Variants in GRB2 observed in about 807,000 individuals in gnomAD.
The protein encoded by GRB2 is growth factor receptor-bound protein 2.
GRB2 carries 2 observed loss-of-function variants against 27.4 expected under a neutral mutation model. The ratio of observed to expected loss-of-function variants is 0.07; its 90% CI spans 0.03 to 0.23. The LOEUF (loss-of-function observed/expected upper bound fraction) is 0.23, where lower values mean the gene tolerates loss of function less well. GRB2 is among the 10% of genes least tolerant of loss of function. GRB2 has a pLI of 1.00. For missense variants in GRB2, 102 were observed against 282.4 expected, an observed-to-expected ratio of 0.36 and a Z score of 4.58; for synonymous variants, 94 against 99.6, an observed-to-expected ratio of 0.94 and a Z score of 0.33.
At chr17:75,368,615 A>G (rs1187355708) in intron 2 of GRB2, among the ~76,000 whole-genome samples, 2 of 151,282 alleles carry the variant, frequency 1.3e-5, no homozygotes, top group Non-Finnish European at 2.9e-5. Flanking sequence ...AGCTCACTGC[A>G]GTCTCAACCT....
intron 2 of GRB2, among the ~76,000 whole-genome samples, chr17:75,391,293 C>T (rs2078996695): frequency 6.6e-6 from 1 of 152,224 alleles, no homozygotes; most frequent in South Asian, 2.1e-4. Flanking sequence ...CAAAGAAAAT[C>T]TAAAAGTGAA....
chr17:75,368,659 C>T (rs565953087), intron 2 of GRB2, among the ~76,000 whole-genome samples: 1 of 152,120 alleles, frequency 6.6e-6, no homozygotes, highest in East Asian at 1.9e-4. Context: ...ATCCTCCCAC[C>T]TAAGCCTCCT....
At chr17:75,392,454 G>C (rs1056414574) in intron 2 of GRB2, among the ~76,000 whole-genome samples, 2 of 152,194 alleles carry the variant, frequency 1.3e-5, no homozygotes, top group African/African-American at 4.8e-5. Flanking sequence ...CTTGGGCAAT[G>C]AGGGCAAAAT....
At chr17:75,374,233 G>A (rs1443073093) in intron 2 of GRB2, among the ~76,000 whole-genome samples, 3 of 151,180 alleles carry the variant, frequency 2.0e-5, no homozygotes, top group South Asian at 2.1e-4. Context: ...TGGTTAAACC[G>A]TCTCTACTAA....
At chr17:75,324,507 G>GTTTTTTGTTTTTTT (rs2078483467) in intron 4 of GRB2, among the ~76,000 whole-genome samples, 1 of 36,704 alleles carries the variant, frequency 2.7e-5, no homozygotes, top group Non-Finnish European at 5.7e-5. Context: ...ACCGCACCCA[G>GTTTTTTGTTTTTTT]TTTTTTTTTT....
intron 4 of GRB2, among the ~76,000 whole-genome samples, chr17:75,323,376 C>T (rs1236683515): frequency 2.6e-5 from 4 of 152,158 alleles, no homozygotes; most frequent in Admixed American, 6.5e-5. Context: ...TTCCACGGCA[C>T]TTCTGGCCCC....
intron 2 of GRB2, among the ~76,000 whole-genome samples, chr17:75,366,500 CA>C (rs34051020): frequency 3.4e-4 from 38 of 111,900 alleles, no homozygotes; most frequent in South Asian, 8.8e-4. Context: ...GATCAGCTTC[CA>C]AAAAAAAAAA....
intron 2 of GRB2, among the ~76,000 whole-genome samples, chr17:75,389,440 C>G (rs934262161): frequency 2.6e-5 from 4 of 152,212 alleles, no homozygotes; most frequent in African/African-American, 9.6e-5. Context: ...TACTAAGAAT[C>G]ACTACTACAA....
intron 1 of GRB2, among the ~76,000 whole-genome samples, chr17:75,397,798 C>T (rs2145875932): frequency 6.7e-6 from 1 of 149,608 alleles, no homozygotes; most frequent in South Asian, 2.1e-4. Context: ...TAGAGCCCGA[C>T]ATGTAATAAT....
intron 1 of GRB2, among the ~76,000 whole-genome samples, chr17:75,396,882 C>A (rs1268346870): frequency 6.6e-6 from 1 of 152,102 alleles, no homozygotes; most frequent in Non-Finnish European, 1.5e-5. Flanking sequence ...AAATGAAAAG[C>A]CCTGTCACTT....
intron 2 of GRB2, among the ~76,000 whole-genome samples, chr17:75,368,983 C>A (rs2078838562): frequency 1.3e-5 from 2 of 152,144 alleles, no homozygotes; most frequent in South Asian, 4.1e-4. Context: ...GAGTCAAGGA[C>A]CATTATTATC....
At chr17:75,367,577 G>A (rs1219341785) in intron 2 of GRB2, among the ~76,000 whole-genome samples, 2 of 152,174 alleles carry the variant, frequency 1.3e-5, no homozygotes, top group Non-Finnish European at 2.9e-5. Flanking sequence ...GCTTCTTGCT[G>A]GGAAATATGC....
chr17:75,371,266 A>G (rs1231526184), intron 2 of GRB2: 2 of 152,120 alleles, frequency 1.3e-5, no homozygotes, highest in East Asian at 1.9e-4. Context: ...AAATCTAACC[A>G]AGGTGCTGGC....
Position 75,320,388 on chromosome 17 carries a change from G to A in GRB2, c.634C>T (p.Pro212Ser). 6.2e-7 allele frequency: 1 copy of A among 1,613,958 alleles called. No homozygotes were observed. Among genetic ancestry groups the A allele is most frequent in the Non-Finnish European group, 8.5e-7 (1 of 1,179,854 alleles). The change falls in exon 6 of 6, where the codon CCC becomes TCC. Residue 212 changes from proline to serine, a missense_variant. Transcript: ENST00000316804. This position sits in a 1 kb window ranked among gnomAD's most constrained non-coding sequence, Gnocchi z 4.3. Reference protein sequence around the residue: ...TGMFPRNYVTPVNRNV With the variant: ...TGMFPRNYVTSVNRNV ...GACTCTTAGACGTTCCGGTTCACGG[G>A]GGTGACATAATTGCGGGGAAACATG... is the stretch of plus-strand genomic sequence containing the variant.
At chr17:75,337,572 A>AT (rs5822084) in intron 2 of GRB2, among the ~76,000 whole-genome samples, 3,634 of 130,920 alleles carry the variant, frequency 0.028, 169 homozygotes, top group African/African-American at 0.092. Flanking sequence ...TACTGTTACT[A>AT]TTTTTTTTTT....
chr17:75,385,970 C>T (rs961093041), intron 2 of GRB2, among the ~76,000 whole-genome samples: 12 of 151,990 alleles, frequency 7.9e-5, no homozygotes, highest in South Asian at 4.2e-4. Flanking sequence ...AAGGTGCATG[C>T]CACTTTTATG....
intron 2 of GRB2, among the ~76,000 whole-genome samples, chr17:75,355,624 A>G (rs2078726920): frequency 6.6e-6 from 1 of 150,576 alleles, no homozygotes; most frequent in African/African-American, 2.4e-5. Flanking sequence ...AAAAAAAAAA[A>G]GCAAAAAAAT....
Position 75,359,162 on chromosome 17 carries a change from CAAAAAAAAAAAAAAA to C in GRB2, c.79-26380_79-26366del. ...CCCAGGAGGGTTTGAGACTACATCT[CAAAAAAAAAAAAAAA>C]AAAAAAAAAGAGGAATAATAGACAA... On this transcript the variant is annotated intron_variant, in intron 2 of 5. Coordinates refer to ENST00000316804, the MANE Select transcript of GRB2 (RefSeq NM_002086.5). Among the ~76,000 whole-genome samples, 2 of 64,714 alleles carry C rather than the reference CAAAAAAAAAAAAAAA, an allele frequency of 3.1e-5. 1 individual carries two copies. Among genetic ancestry groups the C allele is most frequent in the Middle Eastern group, 0.019 (2 of 104 alleles). 42.5% of individuals were successfully genotyped at this position (64,714 alleles called of 152,430 possible). A position where few individuals can be genotyped will look rare whatever the true frequency, so the allele number is the denominator to read the frequency against.
intron 2 of GRB2, among the ~76,000 whole-genome samples, chr17:75,333,085 T>C (rs2078551908): frequency 6.6e-6 from 1 of 151,970 alleles, no homozygotes; most frequent in Admixed American, 6.6e-5. Flanking sequence ...TTAGTTGTTT[T>C]TTTTTTTTAA....
Sources: allele counts gnomAD v4.1 joint callset (sites outside exome capture counted in the v4.1 genomes callset), GRCh38; gene constraint gnomAD v4.1.1; non-coding constraint Gnocchi (gnomAD v3.1); transcripts MANE v1.5; gene names NCBI Gene and HGNC (gene_info 2026-07-23, HGNC 2026-07-21).